ADAMTSL2: variants seen among roughly 807,000 people sequenced by gnomAD.
The protein encoded by ADAMTSL2 is ADAMTS-like protein 2.
Under a neutral mutation model 117.0 loss-of-function variants are expected in ADAMTSL2, and 55 were observed. That is an observed-to-expected ratio of 0.47 (90% confidence interval 0.38 to 0.59). The LOEUF (loss-of-function observed/expected upper bound fraction) is 0.59. Among genes scored for constraint, ADAMTSL2 ranks in the 20% least tolerant of loss-of-function variants. ADAMTSL2 has a pLI of 0.00. For synonymous variants in ADAMTSL2, 572 were observed against 566.4 expected (o/e 1.01, Z -0.14); for missense variants, 1,182 against 1,354.5 (o/e 0.87, Z 2.00).
At chr9:133,562,590 G>A (rs1277208395) in intron 12 of ADAMTSL2, among the ~76,000 whole-genome samples, 4 of 106,246 alleles carry the variant, frequency 3.8e-5, no homozygotes, top group South Asian at 2.8e-4. Flanking sequence ...GGCCCGGCTC[G>A]CACCGCCGTG....
intron 12 of ADAMTSL2, among the ~76,000 whole-genome samples, chr9:133,564,583 GGAGAGA>G (rs201374805): frequency 2.1e-5 from 1 of 47,826 alleles, no homozygotes; most frequent in Non-Finnish European, 3.8e-5. Flanking sequence ...GGAGAGAGAA[GGAGAGA>G]GAGAGGGGGA....
chr9:133,564,463 G>A (rs1254407490), intron 12 of ADAMTSL2, among the ~76,000 whole-genome samples: 158 of 7,846 alleles, frequency 0.02, no homozygotes, highest in African/African-American at 0.022. Flanking sequence ...AGGGAGAGAG[G>A]GAGAGAGAGA....
At chr9:133,574,627 A>G in intron 18 of ADAMTSL2, 119 bp from the exon 19 acceptor site, 1 of 823,826 alleles carries the variant, frequency 1.2e-6, no homozygotes, top group South Asian at 1.3e-5. Context: ...AGAGATGGAG[A>G]CCCACCACGG....
chr9:133,540,772 C>T (rs750494726), intron 6 of ADAMTSL2, 29 bp downstream of exon 6: 14 of 1,613,484 alleles, frequency 8.7e-6, no homozygotes, highest in Admixed American at 1.7e-5. Context: ...AAAAGTACCG[C>T]CGGTCTCACT....
chr9:133,533,238 G>A (rs1214244267), upstream of ADAMTSL2, among the ~76,000 whole-genome samples: 5 of 152,136 alleles, frequency 3.3e-5, no homozygotes, highest in Admixed American at 6.5e-5. Context: ...TCAGCACAGC[G>A]ACCCCAGGGG....
intron 4 of ADAMTSL2, 28 bp from the exon 5 acceptor site, chr9:133,539,743 G>A (rs370465398): frequency 3.0e-5 from 38 of 1,277,460 alleles, no homozygotes; most frequent in Middle Eastern, 4.0e-4. Context: ...AGTTCCTCCC[G>A]GAGCCTCCCT....
At position 133,537,093 on chromosome 9, in the gene ADAMTSL2, C is replaced by T. The variant is rs142059643; in HGVS notation, c.90+291C>T. 1.4e-3 allele frequency among the ~76,000 whole-genome samples: 213 copies of T among 152,294 alleles called. 1 individual carries two copies. Among genetic ancestry groups the T allele is most frequent in the African/African-American group, 4.8e-3 (201 of 41,560 alleles). On this transcript the variant is annotated intron_variant, in intron 2 of 18. Coordinates refer to ENST00000651351, the MANE Select transcript of ADAMTSL2 (RefSeq NM_014694.4). ...CCAGGGTAGGCTGTGTCCTGCAGAA[C>T]GCAGTTGGGCCCTGAGCTGCTCCGG...
intron 12 of ADAMTSL2, among the ~76,000 whole-genome samples, chr9:133,563,844 GGAGA>G (rs1564508583): frequency 2.4e-4 from 7 of 29,382 alleles, no homozygotes; most frequent in East Asian, 7.8e-4. Context: ...AGAGAGAGAG[GGAGA>G]GAGAGAGAGA....
rs918975554 is a variant in ADAMTSL2, at chr9:133,557,699, G to A, written c.1649+1769G>A. On this transcript the variant is annotated intron_variant, in intron 11 of 18. Coordinates refer to ENST00000651351, the MANE Select transcript of ADAMTSL2 (RefSeq NM_014694.4). The surrounding 1 kb of genome is among the most constrained non-coding windows in gnomAD (Gnocchi z 5.2). ...CATTCCCTGGTATTCCGTGTGTGAGGCCCACGGTAAGGCCTCCAGTAAGTA... is the reference window on the plus strand; with the variant it reads ...CATTCCCTGGTATTCCGTGTGTGAGACCCACGGTAAGGCCTCCAGTAAGTA... Among the ~76,000 whole-genome samples, 1 of 152,192 alleles carries A rather than the reference G, an allele frequency of 6.6e-6. No individual in the cohort carries two copies. The highest frequency in any genetic ancestry group is 1.9e-4 in the East Asian group (1 of 5,194).
intron 15 of ADAMTSL2, 66 bp downstream of exon 15, chr9:133,568,824 TG>T: frequency 6.2e-7 from 1 of 1,604,750 alleles, no homozygotes; most frequent in Non-Finnish European, 8.5e-7. Context: ...TTTGCCTTGA[TG>T]TGCCTCAGTT....
chr9:133,539,397 G>A (rs1038986546), intron 4 of ADAMTSL2, among the ~76,000 whole-genome samples: 6 of 152,330 alleles, frequency 3.9e-5, no homozygotes, highest in Admixed American at 3.9e-4. Flanking sequence ...GCCCTGTCCC[G>A]TCACTGTAGA....
intron 7 of ADAMTSL2, among the ~76,000 whole-genome samples, chr9:133,543,216 G>T (rs1830266865): frequency 6.6e-6 from 1 of 152,130 alleles, no homozygotes; most frequent in Non-Finnish European, 1.5e-5. Context: ...GCCTCCCAAA[G>T]TGTATAACTA....
chr9:133,572,579 C>T (rs1831132953), intron 17 of ADAMTSL2, among the ~76,000 whole-genome samples: 1 of 152,144 alleles, frequency 6.6e-6, no homozygotes, highest in African/African-American at 2.4e-5. Context: ...GAAACACGGA[C>T]CCACTAGGTG....
intron 1 of ADAMTSL2, among the ~76,000 whole-genome samples, chr9:133,536,339 C>G (rs993069473): frequency 6.6e-6 from 1 of 152,246 alleles, no homozygotes; most frequent in Non-Finnish European, 1.5e-5. Context: ...GTCCCCAGCC[C>G]CCTCAGCCGA....
chr9:133,537,742 G>A (rs1830088278), intron 3 of ADAMTSL2, among the ~76,000 whole-genome samples, 195 bp downstream of exon 3: 1 of 152,230 alleles, frequency 6.6e-6, no homozygotes, highest in Admixed American at 6.5e-5. Context: ...GTGCTCTGGG[G>A]TCCTTCATGC....
chr9:133,547,319 G>C, intron 9 of ADAMTSL2, 106 bp downstream of exon 9: 1 of 1,165,688 alleles, frequency 8.6e-7, no homozygotes, highest in Non-Finnish European at 1.2e-6. Context: ...CAGGGCCACT[G>C]TGCGCGTGCA....
chr9:133,563,418 C>G (rs1830794344), intron 12 of ADAMTSL2, among the ~76,000 whole-genome samples: 1 of 152,212 alleles, frequency 6.6e-6, no homozygotes, highest in South Asian at 2.1e-4. Flanking sequence ...GGACTCCAAG[C>G]GTGTGGGCGT....
At chr9:133,543,848 T>G (rs1387861002) in intron 7 of ADAMTSL2, among the ~76,000 whole-genome samples, 1 of 152,236 alleles carries the variant, frequency 6.6e-6, no homozygotes, top group Non-Finnish European at 1.5e-5. Context: ...GACCCTTGGT[T>G]TCTTTCTAGC....
Position 133,569,447 on chromosome 9 carries a change from G to C in ADAMTSL2, c.2284G>C (p.Val762Leu). The stretch of plus-strand genomic sequence containing the variant: ...CGGGCAAGGCCGCACCATCAGGCAC[G>C]TGTACTGCAAGACCAGCGACGGACG... ...SCGQGRTIRH[V>L]YCKTSDGRVV... is the part of the protein sequence containing the mutation. Residue 762 changes from valine (V) to leucine (L), a missense_variant, in exon 16 of 19, where the codon GTG becomes CTG. Transcript: ENST00000651351. The C allele has an allele frequency of 6.2e-7, 1 of 1,613,592 alleles. No homozygotes were observed. The highest frequency in any genetic ancestry group is 8.5e-7 in the Non-Finnish European group (1 of 1,180,022).
Sources: gnomAD v4.1 joint callset for allele counts (sites outside exome capture counted in the v4.1 genomes callset) on GRCh38, gnomAD v4.1.1 for gene constraint, Gnocchi (gnomAD v3.1) non-coding constraint, MANE v1.5 for transcripts, NCBI Gene and HGNC (gene_info 2026-07-23, HGNC 2026-07-21) for gene names.